RBFOX1: variants seen among roughly 807,000 people sequenced by gnomAD.
The protein encoded by RBFOX1 is RNA binding fox-1 homolog 1.
In RBFOX1, 8 loss-of-function variants were observed where a neutral mutation model predicts 57.7. The ratio of observed to expected loss-of-function variants is 0.14; its 90% confidence interval spans 0.08 to 0.25. RBFOX1 has a LOEUF of 0.25. Among genes scored for constraint, RBFOX1 ranks in the 10% least tolerant of loss-of-function variants. The probability of loss-of-function intolerance (pLI) is 1.00; values close to 1 mark genes in which losing one functional copy is unlikely to be tolerated. For synonymous variants in RBFOX1, 326 were observed against 222.4 expected, an observed-to-expected ratio of 1.47 and a Z score of -4.15; for missense variants, 611 against 548.5, an observed-to-expected ratio of 1.11 and a Z score of -1.14.
Position 7,035,347 on chromosome 16 carries a change from C to T in RBFOX1, c.-15-16710C>T, listed in dbSNP as rs77150070. On this transcript the variant is annotated intron_variant, in intron 3 of 15. Coordinates refer to ENST00000550418, the MANE Select transcript of RBFOX1 (RefSeq NM_018723.4). ...CATTTATCCTAGTTAAAGGGTTCCA[C>T]AGTTCCCTGTGATTATCCCTCATGA... 6.8e-3 allele frequency among the ~76,000 whole-genome samples: 1,037 copies of T among 152,252 alleles called. 12 individuals are homozygous for T. The highest frequency in any genetic ancestry group is 0.024 in the African/African-American group (977 of 41,548).
chr16:6,849,459 G>T (rs1233776135), intron 3 of RBFOX1, among the ~76,000 whole-genome samples: 3 of 152,158 alleles, frequency 2.0e-5, no homozygotes, highest in Non-Finnish European at 2.9e-5. Flanking sequence ...CTTGAGGCCA[G>T]GGGTTCGAGA....
At chr16:6,193,377 C>T (rs55652839) in intron 1 of RBFOX1, among the ~76,000 whole-genome samples, 1,385 of 56,072 alleles carry the variant, frequency 0.025, 39 homozygotes, top group African/African-American at 0.075. Context: ...TATATATATA[C>T]ATTATATATA....
intron 3 of RBFOX1, among the ~76,000 whole-genome samples, chr16:6,956,632 C>T (rs145415019): frequency 6.6e-6 from 1 of 152,218 alleles, no homozygotes; most frequent in African/African-American, 2.4e-5. Flanking sequence ...GTCTTCCCTT[C>T]TTGTGCCTGC....
chr16:6,737,229 A>G (rs2070643697), intron 3 of RBFOX1, among the ~76,000 whole-genome samples: 1 of 152,198 alleles, frequency 6.6e-6, no homozygotes, highest in African/African-American at 2.4e-5. Context: ...TAATTTAAAT[A>G]AAGGGTTATG....
intron 3 of RBFOX1, among the ~76,000 whole-genome samples, chr16:6,726,775 G>A (rs901583142): frequency 7.9e-5 from 12 of 151,942 alleles, no homozygotes; most frequent in Admixed American, 2.6e-4. Flanking sequence ...ATTAACTTAC[G>A]TAATTGCTAT....
chr16:5,278,044 T>C (rs1213566056), intron 1 of RBFOX1, among the ~76,000 whole-genome samples: 2 of 152,168 alleles, frequency 1.3e-5, no homozygotes, highest in African/African-American at 4.8e-5. Context: ...CTGGATCATA[T>C]GGTAGATCTG....
At chr16:7,428,155 A>G (rs901500362) in intron 4 of RBFOX1, among the ~76,000 whole-genome samples, 1 of 152,024 alleles carries the variant, frequency 6.6e-6, no homozygotes, top group Non-Finnish European at 1.5e-5. Flanking sequence ...TGGATGTATC[A>G]CGTTGCATGA....
At chr16:7,339,906 C>G (rs576583197) in intron 4 of RBFOX1, among the ~76,000 whole-genome samples, 1 of 152,350 alleles carries the variant, frequency 6.6e-6, no homozygotes, top group South Asian at 2.1e-4. Context: ...GTGGTTATCT[C>G]TACTTGATCC....
At chr16:5,910,521 A>G (rs143785528) in intron 4 of RBFOX1, among the ~76,000 whole-genome samples, 34 of 150,520 alleles carry the variant, frequency 2.3e-4, no homozygotes, top group African/African-American at 8.3e-4. Flanking sequence ...TGTAGATGGG[A>G]TAGGTAGAAA....
At chr16:6,427,019 G>A (rs1248215977) in intron 2 of RBFOX1, among the ~76,000 whole-genome samples, 1 of 152,162 alleles carries the variant, frequency 6.6e-6, no homozygotes, top group East Asian at 1.9e-4. Flanking sequence ...ACTATGGCAT[G>A]AACTCCTGTG....
chr16:6,312,586 A>T (rs2080469556), intron 1 of RBFOX1, among the ~76,000 whole-genome samples: 1 of 152,036 alleles, frequency 6.6e-6, no homozygotes, highest in Non-Finnish European at 1.5e-5. Context: ...GGGGAAGGGA[A>T]ATGACTTTTG....
chr16:7,354,696 C>G (rs1163022185), intron 4 of RBFOX1, among the ~76,000 whole-genome samples: 2 of 152,148 alleles, frequency 1.3e-5, no homozygotes, highest in East Asian at 3.9e-4. Flanking sequence ...TCTCTGGAAA[C>G]ATACTGTGCG....
intron 4 of RBFOX1, among the ~76,000 whole-genome samples, chr16:7,197,974 C>A (rs1370703721): frequency 1.5e-5 from 2 of 134,346 alleles, no homozygotes; most frequent in Non-Finnish European, 3.3e-5. Flanking sequence ...CCACTCAGCT[C>A]ATACCTTGTG....
chr16:7,334,914 C>T (rs958413693), intron 4 of RBFOX1, among the ~76,000 whole-genome samples: 2 of 152,124 alleles, frequency 1.3e-5, no homozygotes, highest in African/African-American at 4.8e-5. Flanking sequence ...ACTAGTTACC[C>T]ATAAGTTAGG....
chr16:5,822,277 T>C (rs1413519996), intron 3 of RBFOX1, among the ~76,000 whole-genome samples: 2 of 152,088 alleles, frequency 1.3e-5, no homozygotes, highest in African/African-American at 2.4e-5. Flanking sequence ...CTTTGGGGAC[T>C]TGGGGGGAAT....
chr16:6,498,786 G>C (rs1156441941), intron 2 of RBFOX1, among the ~76,000 whole-genome samples: 1 of 152,126 alleles, frequency 6.6e-6, no homozygotes, highest in Non-Finnish European at 1.5e-5. Context: ...GAGTCCTATT[G>C]AGGAAAGATA....
chr16:7,623,761 G>A (rs1361348596), intron 10 of RBFOX1, among the ~76,000 whole-genome samples: 1 of 152,122 alleles, frequency 6.6e-6, no homozygotes, highest in Non-Finnish European at 1.5e-5. Context: ...GGTGTTGGCA[G>A]GGTTGGTTTC....
intron 4 of RBFOX1, among the ~76,000 whole-genome samples, chr16:5,982,584 A>AT (rs1247922333): frequency 2.0e-5 from 3 of 152,192 alleles, no homozygotes; most frequent in African/African-American, 7.2e-5. Flanking sequence ...CCTGCACATG[A>AT]TTTTTTAAAA....
At chr16:7,380,556 G>T (rs1325929936) in intron 4 of RBFOX1, among the ~76,000 whole-genome samples, 1 of 152,114 alleles carries the variant, frequency 6.6e-6, no homozygotes, top group African/African-American at 2.4e-5. Context: ...CCTATTGATA[G>T]ACATTTGTAT....
Sources: gnomAD v4.1 joint callset for allele counts (sites outside exome capture counted in the v4.1 genomes callset) on GRCh38, gnomAD v4.1.1 for gene constraint, MANE v1.5 for transcripts, NCBI Gene and HGNC (gene_info 2026-07-23, HGNC 2026-07-21) for gene names.